The following SLCO6A1 variants were observed in gnomAD, a reference collection of about 807,000 sequenced individuals.
SLCO6A1 encodes solute carrier organic anion transporter family member 6A1.
SLCO6A1 carries 65 observed loss-of-function variants against 72.7 expected under a neutral mutation model. The observed-to-expected ratio is 0.89, with a 90% CI of 0.73 to 1.10. SLCO6A1 has a LOEUF of 1.10. Ranked by LOEUF, SLCO6A1 falls within the 50% of genes least tolerant of loss-of-function variation. The pLI, the probability that SLCO6A1 is intolerant of heterozygous loss-of-function variation, is 0.00. For synonymous variants in SLCO6A1, 314 were observed against 298.2 expected (o/e 1.05, Z -0.55); for missense variants, 874 against 872.6 (o/e 1.00, Z -0.02).
At chr5:102,429,016 T>C (rs1749065775) in intron 7 of SLCO6A1, among the ~76,000 whole-genome samples, 1 of 152,178 alleles carries the variant, frequency 6.6e-6, no homozygotes, top group Non-Finnish European at 1.5e-5. Flanking sequence ...TGGTATCTCG[T>C]GGTATTGATT....
chr5:102,452,226 G>A (rs186622766), intron 6 of SLCO6A1, among the ~76,000 whole-genome samples: 28 of 152,268 alleles, frequency 1.8e-4, no homozygotes, highest in Admixed American at 9.2e-4. Flanking sequence ...AAGGATAAGA[G>A]GGTTGAGCTC....
intron 4 of SLCO6A1, among the ~76,000 whole-genome samples, chr5:102,473,846 A>G (rs1751755948): frequency 6.6e-6 from 1 of 152,048 alleles, no homozygotes; most frequent in Non-Finnish European, 1.5e-5. Context: ...CTGACAATGA[A>G]CAGTGTACAA....
At chr5:102,411,247 GTA>G (rs1053779435) in intron 9 of SLCO6A1, among the ~76,000 whole-genome samples, 11 of 151,210 alleles carry the variant, frequency 7.3e-5, no homozygotes, top group East Asian at 3.9e-4. Context: ...GTTTGTGTGT[GTA>G]TGTGTGTGTG....
chr5:102,463,896 G>GAAAAAAAA (rs397697671), intron 4 of SLCO6A1, among the ~76,000 whole-genome samples: 3 of 137,080 alleles, frequency 2.2e-5, no homozygotes, highest in African/African-American at 8.3e-5. Flanking sequence ...CAAAAAAGAA[G>GAAAAAAAA]AAAAAAAAAA....
intron 9 of SLCO6A1, among the ~76,000 whole-genome samples, chr5:102,404,444 A>G (rs1747561960): frequency 6.6e-6 from 1 of 152,120 alleles, no homozygotes; most frequent in Non-Finnish European, 1.5e-5. Context: ...GCAGTGAGCC[A>G]AGATCTCGCC....
At position 102,426,661 on chromosome 5, in the gene SLCO6A1, A is replaced by G. The variant is rs7727969; in HGVS notation, c.1277-6640T>C. 5.1e-3 allele frequency among the ~76,000 whole-genome samples: 782 copies of G among 152,342 alleles called. 8 individuals carry two copies. The highest frequency in any genetic ancestry group is 0.018 in the African/African-American group (754 of 41,574). On this transcript the variant is annotated intron_variant, in intron 7 of 13. Transcript: ENST00000506729. ...TGTGGAGAAATAGAAACACTTTTAC[A>G]CTGTTGGTGGGAGTGTAAATTAGTT...
At chr5:102,432,739 G>C (rs1198175834) in intron 7 of SLCO6A1, among the ~76,000 whole-genome samples, 1 of 152,124 alleles carries the variant, frequency 6.6e-6, no homozygotes, top group Non-Finnish European at 1.5e-5. Context: ...AGAATCCTAT[G>C]ATTATGTCTT....
At chr5:102,480,913 T>G (rs1561496937) in intron 1 of SLCO6A1, among the ~76,000 whole-genome samples, 1 of 152,200 alleles carries the variant, frequency 6.6e-6, no homozygotes, top group Non-Finnish European at 1.5e-5. Context: ...TTTTTAGCCT[T>G]TTTAACATTT....
At chr5:102,467,877 T>C (rs1351236195) in intron 4 of SLCO6A1, among the ~76,000 whole-genome samples, 1 of 152,106 alleles carries the variant, frequency 6.6e-6, no homozygotes, top group Non-Finnish European at 1.5e-5. Context: ...GCTGGTTTTG[T>C]GTTTGGTTCA....
chr5:102,431,617 C>G (rs1231589026), intron 7 of SLCO6A1, among the ~76,000 whole-genome samples: 1 of 152,030 alleles, frequency 6.6e-6, no homozygotes, highest in Non-Finnish European at 1.5e-5. Context: ...GATTTCAGTT[C>G]TTTTACATTT....
intron 4 of SLCO6A1, among the ~76,000 whole-genome samples, chr5:102,463,794 G>A (rs1164904459): frequency 2.6e-5 from 4 of 151,894 alleles, no homozygotes; most frequent in African/African-American, 9.7e-5. Flanking sequence ...GCTGAGGCAG[G>A]AGAATTGCTT....
intron 7 of SLCO6A1, among the ~76,000 whole-genome samples, chr5:102,426,917 A>G (rs528538403): frequency 9.9e-5 from 15 of 152,094 alleles, no homozygotes; most frequent in Non-Finnish European, 2.2e-4. Flanking sequence ...GCACATATAC[A>G]CCATAGAATA....
At chr5:102,419,577 C>T (rs1186377732) in intron 8 of SLCO6A1, among the ~76,000 whole-genome samples, 1 of 152,142 alleles carries the variant, frequency 6.6e-6, no homozygotes, top group African/African-American at 2.4e-5. Flanking sequence ...TTTATAGGTT[C>T]CAAACCTCTT....
intron 12 of SLCO6A1, among the ~76,000 whole-genome samples, chr5:102,381,647 G>A (rs547327867): frequency 1.3e-5 from 2 of 150,328 alleles, no homozygotes; most frequent in East Asian, 3.9e-4. Context: ...TTGAGAACTT[G>A]TTTTCAGTAA....
At chr5:102,473,242 G>T (rs1751721646) in intron 4 of SLCO6A1, among the ~76,000 whole-genome samples, 1 of 151,904 alleles carries the variant, frequency 6.6e-6, no homozygotes, top group South Asian at 2.1e-4. Context: ...CAAGCAAATT[G>T]AATGTAACAA....
intron 1 of SLCO6A1, among the ~76,000 whole-genome samples, chr5:102,494,355 T>G (rs995317077): frequency 4.6e-5 from 7 of 152,130 alleles, no homozygotes; most frequent in African/African-American, 1.7e-4. Context: ...AAAACCTTCA[T>G]GACACTGAGT....
At chr5:102,419,296 T>C (rs542057328) in intron 8 of SLCO6A1, among the ~76,000 whole-genome samples, 7 of 152,212 alleles carry the variant, frequency 4.6e-5, no homozygotes, top group Non-Finnish European at 8.8e-5. Flanking sequence ...AAAGTAGAAG[T>C]CTTAAACTCT....
intron 12 of SLCO6A1, among the ~76,000 whole-genome samples, chr5:102,386,702 G>A (rs956783570): frequency 6.6e-5 from 10 of 152,178 alleles, no homozygotes; most frequent in African/African-American, 2.2e-4. Context: ...TGGGGGCATA[G>A]TCTGTGGGTG....
intron 4 of SLCO6A1, among the ~76,000 whole-genome samples, chr5:102,470,339 C>G (rs189749862): frequency 3.3e-5 from 5 of 152,072 alleles, no homozygotes; most frequent in African/African-American, 1.2e-4. Flanking sequence ...ATTTCAGAAC[C>G]TGTTATTGGT....
Sources: gnomAD v4.1 joint callset for allele counts (sites outside exome capture counted in the v4.1 genomes callset) on GRCh38, gnomAD v4.1.1 for gene constraint, MANE v1.5 for transcripts, NCBI Gene and HGNC (gene_info 2026-07-23, HGNC 2026-07-21) for gene names.